Variants in CCDC126 observed in about 807,000 individuals in gnomAD.
CCDC126 encodes coiled-coil domain containing 126, also known as coiled-coil domain-containing protein 126.
A neutral mutation model predicts 11.7 loss-of-function variants in CCDC126; 5 were observed. The observed-to-expected ratio is 0.43, with a 90% CI of 0.22 to 0.90. The LOEUF (loss-of-function observed/expected upper bound fraction) is 0.90, where lower values mean the gene tolerates loss of function less well. Among genes scored for constraint, CCDC126 ranks in the 40% least tolerant of loss-of-function variants. The pLI is 0.27. For missense variants in CCDC126, 150 were observed against 163.1 expected, an observed-to-expected ratio of 0.92 and a Z score of 0.44; for synonymous variants, 60 against 61.9, an observed-to-expected ratio of 0.97 and a Z score of 0.14.
intron 3 of CCDC126, among the ~76,000 whole-genome samples, chr7:23,638,863 C>CAAAAAAAAAAAAAAAAAAAAAA (rs61374394): frequency 9.2e-6 from 1 of 108,576 alleles, no homozygotes; most frequent in Non-Finnish European, 1.8e-5. Flanking sequence ...AATAAATTAA[C>CAAAAAAAAAAAAAAAAAAAAAA]AAAAAAAAAA....
At chr7:23,621,286 G>A (rs1393733360) in intron 3 of CCDC126, among the ~76,000 whole-genome samples, 5 of 152,064 alleles carry the variant, frequency 3.3e-5, no homozygotes, top group African/African-American at 7.2e-5. Context: ...CCTTGAAGAG[G>A]TCCTTCACAT....
At chr7:23,632,239 T>G (rs1357499480) in intron 3 of CCDC126, among the ~76,000 whole-genome samples, 1 of 152,056 alleles carries the variant, frequency 6.6e-6, no homozygotes, top group Non-Finnish European at 1.5e-5. Context: ...GATTACAAGG[T>G]GCCTGCCACC....
At chr7:23,626,450 A>G (rs1486481265) in intron 3 of CCDC126, among the ~76,000 whole-genome samples, 10 of 152,028 alleles carry the variant, frequency 6.6e-5, no homozygotes, top group African/African-American at 1.2e-4. Flanking sequence ...TGTTTATCCT[A>G]TTTTTTCCAG....
At chr7:23,628,779 G>A (rs1210979591) in intron 3 of CCDC126, among the ~76,000 whole-genome samples, 1 of 152,176 alleles carries the variant, frequency 6.6e-6, no homozygotes, top group Admixed American at 6.5e-5. Context: ...GATGTCAGGG[G>A]AAGCCTGTGG....
At chr7:23,619,136 C>T (rs1403614176) in intron 3 of CCDC126, among the ~76,000 whole-genome samples, 1 of 152,166 alleles carries the variant, frequency 6.6e-6, no homozygotes, top group East Asian at 1.9e-4. Flanking sequence ...AAATACATCT[C>T]AGATCTTCTG....
chr7:23,637,563 T>TA (rs2128022245), intron 3 of CCDC126, among the ~76,000 whole-genome samples: 1 of 5,316 alleles, frequency 1.9e-4, no homozygotes, highest in Admixed American at 1.4e-3. Flanking sequence ...CAGCCGCCCC[T>TA]TCCGGGAGGT....
chr7:23,610,891 T>C (rs897280608), intron 2 of CCDC126, among the ~76,000 whole-genome samples: 1 of 152,174 alleles, frequency 6.6e-6, no homozygotes, highest in Non-Finnish European at 1.5e-5. Context: ...ATAATATCCA[T>C]GGTTTTAGTT....
At chr7:23,598,741 A>T (rs1782476822) in intron 2 of CCDC126, among the ~76,000 whole-genome samples, 1 of 152,240 alleles carries the variant, frequency 6.6e-6, no homozygotes, top group African/African-American at 2.4e-5. Context: ...ACTTGTTTTG[A>T]GGAAAATGTT....
At chr7:23,600,038 G>C (rs867715150) in intron 2 of CCDC126, among the ~76,000 whole-genome samples, 1 of 152,166 alleles carries the variant, frequency 6.6e-6, no homozygotes, top group Non-Finnish European at 1.5e-5. Flanking sequence ...GCCCTCTTCA[G>C]CCTCCCAAGG....
In CCDC126 at chr7:23,611,159, T is replaced by G. The variant is rs1782704323; in HGVS notation, c.-145-12T>G. ...ATTAAGACTAATACTGTTTTTCTTC[T>G]TAATTTTACAGAGTTAATAGAGTGG... On this transcript the variant is annotated splice_polypyrimidine_tract_variant and intron_variant, in intron 2 of 3. Coordinates refer to ENST00000307471, the MANE Select transcript of CCDC126 (RefSeq NM_138771.4). The G allele has an allele frequency of 1.7e-6, 1 of 589,466 alleles. No homozygotes were observed. Among genetic ancestry groups the G allele is most frequent in the South Asian group, 2.1e-5 (1 of 47,536 alleles). The allele number at this position is 589,466 out of a possible 1,614,324, so 36.5% of individuals were successfully genotyped here. A position where few individuals can be genotyped will look rare whatever the true frequency, so the allele number is the denominator to read the frequency against.
intron 3 of CCDC126, among the ~76,000 whole-genome samples, chr7:23,639,977 A>G (rs1015675704): frequency 8.6e-5 from 13 of 151,916 alleles, no homozygotes; most frequent in African/African-American, 2.7e-4. Flanking sequence ...GGAGTTCGAG[A>G]CCAGAGACCA....
At chr7:23,598,936 C>T (rs902007796) in intron 2 of CCDC126, among the ~76,000 whole-genome samples, 1 of 152,086 alleles carries the variant, frequency 6.6e-6, no homozygotes, top group Non-Finnish European at 1.5e-5. Flanking sequence ...CTCAGACTTT[C>T]AATGATAAAG....
At chr7:23,609,943 C>A (rs1339122599) in intron 2 of CCDC126, among the ~76,000 whole-genome samples, 4 of 152,144 alleles carry the variant, frequency 2.6e-5, no homozygotes, top group Non-Finnish European at 4.4e-5. Flanking sequence ...TTGTGAAATG[C>A]ACTGTTCTGA....
At chr7:23,620,084 T>C (rs1392703171) in intron 3 of CCDC126, among the ~76,000 whole-genome samples, 2 of 152,240 alleles carry the variant, frequency 1.3e-5, no homozygotes, top group Non-Finnish European at 2.9e-5. Flanking sequence ...TATAATCCTT[T>C]GGGTACATAC....
At chr7:23,605,151 A>C (rs1308033599) in intron 2 of CCDC126, among the ~76,000 whole-genome samples, 1 of 152,126 alleles carries the variant, frequency 6.6e-6, no homozygotes, top group African/African-American at 2.4e-5. Flanking sequence ...AAGTACTCCA[A>C]GCTAGGGAAT....
intron 3 of CCDC126, among the ~76,000 whole-genome samples, chr7:23,641,202 T>C (rs1783350063): frequency 6.6e-6 from 1 of 152,166 alleles, no homozygotes; most frequent in African/African-American, 2.4e-5. Context: ...ATAGCTATCC[T>C]AGTAAGTGTG....
intron 3 of CCDC126, among the ~76,000 whole-genome samples, chr7:23,635,841 T>C (rs1783199087): frequency 6.6e-6 from 1 of 152,122 alleles, no homozygotes; most frequent in South Asian, 2.1e-4. Context: ...AGCTTCATTT[T>C]GTTAATGAGT....
At chr7:23,638,712 T>TA (rs1176764880) in intron 3 of CCDC126, among the ~76,000 whole-genome samples, 10 of 44,410 alleles carry the variant, frequency 2.3e-4, no homozygotes, top group East Asian at 1.3e-3. Flanking sequence ...GAATGATCAA[T>TA]AAAAAAAAAA....
rs374383450 is a variant in CCDC126 at position 23,609,954 on chromosome 7, C to T, written c.-145-1217C>T. 9.2e-5 allele frequency among the ~76,000 whole-genome samples: 14 copies of T among 152,300 alleles called. No homozygotes were observed. The East Asian group carries it at 2.5e-3, about 27-fold the overall frequency. On this transcript the variant is annotated intron_variant, in intron 2 of 3. Coordinates refer to ENST00000307471, the MANE Select transcript of CCDC126 (RefSeq NM_138771.4). The stretch of plus-strand genomic sequence containing the variant: ...ATCTTTGTGAAATGCACTGTTCTGA[C>T]TCGAGATACATTTCTATCTAAAGAA...
Sources: gnomAD v4.1 joint callset for allele counts (sites outside exome capture counted in the v4.1 genomes callset) on GRCh38, gnomAD v4.1.1 for gene constraint, MANE v1.5 for transcripts, NCBI Gene and HGNC (gene_info 2026-07-23, HGNC 2026-07-21) for gene names.